CEP164: variants seen among roughly 807,000 people sequenced by gnomAD.
CEP164 encodes centrosomal protein 164, also known as centrosomal protein of 164 kDa.
CEP164 carries 162 observed loss-of-function variants against 182.7 expected under a neutral mutation model. That is an observed-to-expected ratio of 0.89 (90% CI 0.78 to 1.01). The LOEUF (loss-of-function observed/expected upper bound fraction) is 1.01, where lower values mean the gene tolerates loss of function less well. Among genes scored for constraint, CEP164 ranks in the 50% least tolerant of loss-of-function variants. CEP164 has a pLI of 0.00. For synonymous variants in CEP164, 661 were observed against 690.0 expected, an observed-to-expected ratio of 0.96 and a Z score of 0.66; for missense variants, 1,735 against 1,790.4, an observed-to-expected ratio of 0.97 and a Z score of 0.56.
At chr11:117,344,902 T>G (rs1433281517) in intron 4 of CEP164, among the ~76,000 whole-genome samples, 1 of 151,370 alleles carries the variant, frequency 6.6e-6, no homozygotes, top group African/African-American at 2.4e-5. Context: ...CACTCCAGCA[T>G]GGGCGACAGA....
rs2042694393 is a variant in CEP164, at chr11:117,375,913, A to G, written c.1317+122A>G. 4 of 787,026 alleles carry G rather than the reference A, an allele frequency of 5.1e-6. No individual in the cohort carries two copies. The Admixed American group carries it at 6.6e-5, about 13-fold the overall frequency. 48.8% of individuals were successfully genotyped at this position (787,026 alleles called of 1,614,324 possible). A position where few individuals can be genotyped will look rare whatever the true frequency, so the allele number is the denominator to read the frequency against. ...ATTTCTGTAAGTCCTCTCCCTTCTA[A>G]TTCATTAAGGCATGGTCCTGACTGC... On this transcript the variant is annotated intron_variant, in intron 11 of 32. Coordinates refer to ENST00000278935, the MANE Select transcript of CEP164 (RefSeq NM_014956.5).
chr11:117,381,050 C>T (rs2043263309), intron 12 of CEP164, among the ~76,000 whole-genome samples: 1 of 152,128 alleles, frequency 6.6e-6, no homozygotes, highest in South Asian at 2.1e-4. Context: ...GGTTATGGGC[C>T]AGGGCTGAAG....
Position 117,393,108 on chromosome 11 carries a change from A to G in CEP164, c.2598A>G (p.Arg866=). ...ACCAGCAAGTGATGGCTAAGGCCAG[A>G]GAGCAGTATGAAGCTGAGGTAGCTC... ...EEHQQVMAKA[R]EQYEAEERKQ... The change falls in exon 20 of 33, where the codon AGA becomes AGG. Residue 866 remains arginine, a synonymous_variant. Transcript: ENST00000278935. 1 of 1,613,348 alleles carries G rather than the reference A, an allele frequency of 6.2e-7. No homozygotes were observed. The highest frequency in any genetic ancestry group is 8.5e-7 in the Non-Finnish European group (1 of 1,179,720).
At chr11:117,397,951 TAACTC>T (rs1296075421) in intron 27 of CEP164, among the ~76,000 whole-genome samples, 1 of 152,122 alleles carries the variant, frequency 6.6e-6, no homozygotes, top group Non-Finnish European at 1.5e-5. Context: ...CTCAAAGTCT[TAACTC>T]ATTTCAGCAT....
chr11:117,395,772 C>A, intron 24 of CEP164, 50 bp downstream of exon 24: 1 of 1,551,220 alleles, frequency 6.4e-7, no homozygotes, highest in Non-Finnish European at 8.7e-7. Context: ...CCTGCCTGCC[C>A]TCTGACCTCT....
chr11:117,390,907 A>G lies in CEP164; in HGVS notation c.2065A>G (p.Arg689Gly). 6.2e-7 allele frequency: 1 copy of G among 1,613,896 alleles called. No individual in the cohort carries two copies. The highest frequency in any genetic ancestry group is 8.5e-7 in the Non-Finnish European group (1 of 1,179,996). The change falls in exon 16 of 33, where the codon AGG becomes GGG. Residue 689 changes from arginine (R) to glycine (G), a missense_variant and splice_region_variant. Coordinates refer to ENST00000278935, the MANE Select transcript of CEP164 (RefSeq NM_014956.5). ...SSTQADEDQI[R>G]AEQEASLQKL... is the part of the protein sequence containing the mutation. Reference sequence around the variant, plus strand: ...CACACAAGCAGATGAGGACCAAATCAGGTAAGTGTGTGCTTACCTGTGAGC... The same window carrying G: ...CACACAAGCAGATGAGGACCAAATCGGGTAAGTGTGTGCTTACCTGTGAGC...
intron 10 of CEP164, among the ~76,000 whole-genome samples, chr11:117,375,267 C>T (rs951793260): frequency 6.6e-6 from 1 of 152,164 alleles, no homozygotes; most frequent in Non-Finnish European, 1.5e-5. Flanking sequence ...GCTTTGGAGT[C>T]AGTGCGGGGC....
chr11:117,409,081 A>G lies in CEP164; in HGVS notation c.3748+53A>G. ...CCATGGTATCCATGGAATGGGAGGA[A>G]CTTGGGGAATAGAAGAAGAGCTCTC... On this transcript the variant is annotated intron_variant, in intron 29 of 32. Coordinates refer to ENST00000278935, the MANE Select transcript of CEP164 (RefSeq NM_014956.5). The surrounding 1 kb of genome is among the most constrained non-coding windows in gnomAD (Gnocchi z 4.4). 1 of 1,609,524 alleles carries G rather than the reference A, an allele frequency of 6.2e-7. No individual in the cohort carries two copies. Among genetic ancestry groups the G allele is most frequent in the African/African-American group, 1.3e-5 (1 of 74,960 alleles).
intron 13 of CEP164, among the ~76,000 whole-genome samples, 158 bp downstream of exon 13, chr11:117,382,026 C>T (rs2043373139): frequency 1.3e-5 from 2 of 152,074 alleles, no homozygotes; most frequent in African/African-American, 4.8e-5. Context: ...GCAGCAGCAG[C>T]AGAGGCTCTG....
At position 117,409,702 on chromosome 11, in the gene CEP164, T is replaced by C. The variant is rs1392389430; in HGVS notation, c.3833T>C (p.Val1278Ala). The C allele has an allele frequency of 6.2e-7, 1 of 1,614,008 alleles. No homozygotes were observed. Among genetic ancestry groups the C allele is most frequent in the African/African-American group, 1.3e-5 (1 of 74,906 alleles). The change falls in exon 30 of 33, where the codon GTC (valine) becomes GCC (alanine). Residue 1278 changes from valine to alanine, a missense_variant. By Grantham distance (64) the Val-to-Ala change is moderately conservative. Coordinates refer to ENST00000278935, the MANE Select transcript of CEP164 (RefSeq NM_014956.5). This position sits in a 1 kb window ranked among gnomAD's most constrained non-coding sequence, Gnocchi z 4.4. Reference protein sequence around the residue: ...LRQISSQLSSVLSILDSLNPQ... With the variant: ...LRQISSQLSSALSILDSLNPQ... ...CAGATCAGCAGCCAGCTGAGCAGTGTCCTCAGCATCCTGGACAGCCTCAAC... is the reference window on the plus strand; with the variant it reads ...CAGATCAGCAGCCAGCTGAGCAGTGCCCTCAGCATCCTGGACAGCCTCAAC...
In CEP164 at chr11:117,373,363, GA is replaced by G. The variant is rs201515564; in HGVS notation, c.1153-375del. On this transcript the variant is annotated intron_variant, in intron 9 of 32. Coordinates refer to ENST00000278935, the MANE Select transcript of CEP164 (RefSeq NM_014956.5). ...GGGGACAGAGCGAGACTCCATCTCG[GA>G]AAAAAAAAAAAAGAGCTTTTATCTA... Among the ~76,000 whole-genome samples, 1,305 of 141,576 alleles carry G rather than the reference GA, an allele frequency of 9.2e-3. 13 individuals are homozygous for G. The highest frequency in any genetic ancestry group is 0.026 in the East Asian group (129 of 4,942). The allele number at this position is 141,576 out of a possible 152,430, so 92.9% of individuals were successfully genotyped here.
Position 117,409,204 on chromosome 11 carries a change from C to A in CEP164, c.3748+176C>A. On this transcript the variant is annotated intron_variant, in intron 29 of 32. Coordinates refer to ENST00000278935, the MANE Select transcript of CEP164 (RefSeq NM_014956.5). This position sits in a 1 kb window ranked among gnomAD's most constrained non-coding sequence, Gnocchi z 4.4. ...GAATCACACCATCTAGGTTTGCCAGCACGTGGGGCTGAAAGGTCAGGGAAG... is the reference window on the plus strand; with the variant it reads ...GAATCACACCATCTAGGTTTGCCAGAACGTGGGGCTGAAAGGTCAGGGAAG... 1.2e-6 allele frequency: 1 copy of A among 832,368 alleles called. No homozygotes were observed. Among genetic ancestry groups the A allele is most frequent in the Non-Finnish European group, 1.8e-6 (1 of 542,692 alleles). The allele number at this position is 832,368 out of a possible 1,614,324, so 51.6% of individuals were successfully genotyped here.
chr11:117,370,649 G>A (rs746476683), intron 8 of CEP164, among the ~76,000 whole-genome samples: 3 of 152,160 alleles, frequency 2.0e-5, no homozygotes, highest in African/African-American at 2.4e-5. Context: ...GGTGGCTCAC[G>A]CCTGTAATCC....
Position 117,371,155 on chromosome 11 carries a change from C to A in CEP164, c.841C>A (p.Pro281Thr). The change falls in exon 9 of 33, where the codon CCC becomes ACC. Residue 281 changes from proline to threonine, a missense_variant. Physicochemically the swap from Pro to Thr is conservative, Grantham distance 38. Transcript: ENST00000278935. ...LDSDAAGPPT[P>T]CKPSSPGADS... is the part of the protein sequence containing the mutation. ...TTCAGATGCTGCCGGTCCCCCTACT[C>A]CCTGCAAGCCCTCCAGCCCAGGTGC... is the stretch of plus-strand genomic sequence containing the variant. The A allele has an allele frequency of 3.1e-6, 5 of 1,614,068 alleles. No individual in the cohort carries two copies. The highest frequency in any genetic ancestry group is 4.2e-6 in the Non-Finnish European group (5 of 1,179,934).
rs2038297278 is a variant in CEP164, at chr11:117,342,666, A to C, written c.83-1500A>C. On this transcript the variant is annotated intron_variant, in intron 3 of 32. Coordinates refer to ENST00000278935, the MANE Select transcript of CEP164 (RefSeq NM_014956.5). ...ACTTTTTGTATTTTTTATATAGACGAGGTTTCTCCATGTTGCCCAAGCTGG... is the reference window on the plus strand; with the variant it reads ...ACTTTTTGTATTTTTTATATAGACGCGGTTTCTCCATGTTGCCCAAGCTGG... Among the ~76,000 whole-genome samples, 5 of 150,930 alleles carry C rather than the reference A, an allele frequency of 3.3e-5. 1 individual carries two copies. In the Admixed American group the frequency reaches 3.3e-4, roughly 10 times the overall value.
intron 8 of CEP164, among the ~76,000 whole-genome samples, chr11:117,367,305 G>A (rs1018695171): frequency 6.6e-6 from 1 of 152,230 alleles, no homozygotes; most frequent in Admixed American, 6.5e-5. Context: ...CCCTTGAGGT[G>A]CTGTCCTGTG....
At chr11:117,352,061 T>A in intron 5 of CEP164, 73 bp downstream of exon 5, 7 of 1,298,556 alleles carry the variant, frequency 5.4e-6, no homozygotes, top group Non-Finnish European at 6.4e-6. Context: ...CCTCTAGGTG[T>A]CTGCAGCTGG....
At chr11:117,326,984 T>A (rs1186954528), upstream of CEP164, among the ~76,000 whole-genome samples, 1 of 152,206 alleles carries the variant, frequency 6.6e-6, no homozygotes, top group Non-Finnish European at 1.5e-5. Flanking sequence ...CTAAAACTCT[T>A]CGGAATTATA....
At chr11:117,325,017 A>G (rs1400919763), upstream of CEP164, among the ~76,000 whole-genome samples, 1 of 152,162 alleles carries the variant, frequency 6.6e-6, no homozygotes, top group Non-Finnish European at 1.5e-5. Context: ...GTGGTAGATG[A>G]GCTGGTGAGC....
Sources: gnomAD v4.1 joint callset for allele counts (sites outside exome capture counted in the v4.1 genomes callset) on GRCh38, gnomAD v4.1.1 for gene constraint, Gnocchi (gnomAD v3.1) non-coding constraint, MANE v1.5 for transcripts, NCBI Gene and HGNC (gene_info 2026-07-23, HGNC 2026-07-21) for gene names.